ZNF541: variants seen among roughly 807,000 people sequenced by gnomAD.
The protein encoded by ZNF541 is zinc finger protein 541.
A neutral mutation model predicts 123.5 loss-of-function variants in ZNF541; 23 were observed. The observed-to-expected ratio is 0.19, with a 90% CI of 0.13 to 0.26. The LOEUF (loss-of-function observed/expected upper bound fraction) is 0.26. Ranked by LOEUF, ZNF541 falls within the 10% of genes least tolerant of loss-of-function variation. The pLI, the probability that ZNF541 is intolerant of heterozygous loss-of-function variation, is 1.00. For missense variants in ZNF541, 1,612 were observed against 1,789.9 expected, an observed-to-expected ratio of 0.90 and a Z score of 1.79; for synonymous variants, 751 against 754.5, an observed-to-expected ratio of 1.00 and a Z score of 0.08.
In ZNF541 at chr19:47,544,284, G is replaced by C; in HGVS notation, c.2245C>G (p.Pro749Ala). 6.4e-7 allele frequency: 1 copy of C among 1,551,606 alleles called. No homozygotes were observed. The highest frequency in any genetic ancestry group is 8.7e-7 in the Non-Finnish European group (1 of 1,147,006). The change falls in exon 5 of 17, where the codon CCC becomes GCC. Residue 749 changes from proline (P) to alanine (A), a missense_variant. By Grantham distance (27) the Pro-to-Ala change is conservative. Around this residue, in one of 5 missense-constraint regions of ZNF541, gnomAD observed 1,080 missense variants for 1,013.8 expected, o/e 1.07. Coordinates refer to ENST00000391901, the MANE Select transcript of ZNF541 (RefSeq NM_001277075.3). ...AAGCCGGAGAATCGCGGGGCCCTGG[G>C]GTTGCCCAAGAGCCGGTAGCCTCCA... ...RGGGYRLLGN[P>A]RAPRFSGFRK...
At chr19:47,554,379 C>T (rs146298713) in intron 3 of ZNF541, among the ~76,000 whole-genome samples, 1,816 of 152,060 alleles carry the variant, frequency 0.012, 24 homozygotes, top group Middle Eastern at 0.048. Flanking sequence ...TGCAATGAGC[C>T]GAGATTGTGC....
At chr19:47,531,132 G>A (rs890297516) in intron 12 of ZNF541, among the ~76,000 whole-genome samples, 2 of 148,558 alleles carry the variant, frequency 1.3e-5, no homozygotes, top group African/African-American at 4.9e-5. Flanking sequence ...GCAAGACCAT[G>A]GCATGACTCT....
At chr19:47,562,844 T>C (rs1281385043) in intron 2 of ZNF541, among the ~76,000 whole-genome samples, 2 of 152,190 alleles carry the variant, frequency 1.3e-5, no homozygotes, top group African/African-American at 4.8e-5. Flanking sequence ...TGTTCCCCTG[T>C]CTGGAGAGAC....
At chr19:47,555,011 T>C (rs192245640) in intron 3 of ZNF541, among the ~76,000 whole-genome samples, 1 of 143,348 alleles carries the variant, frequency 7.0e-6, no homozygotes, top group African/African-American at 2.6e-5. Context: ...GGAGAATTGC[T>C]TGAACCCGGA....
intron 3 of ZNF541, among the ~76,000 whole-genome samples, chr19:47,552,877 G>A (rs1396845434): frequency 4.6e-5 from 7 of 151,468 alleles, no homozygotes; most frequent in Admixed American, 2.0e-4. Context: ...TTGGGAGGCC[G>A]AGGAGGGTGG....
chr19:47,544,728 GCTGCTGCGGCCACGGCCC>G lies in ZNF541; in HGVS notation c.1783_1800del (p.Gly595_Gln600del), dbSNP rs570267746. On this transcript the variant is annotated inframe_deletion, in exon 5 of 17. Transcript: ENST00000391901. ...TCCACAGCAGGAGCCAGTGGTGGGG[GCTGCTGCGGCCACGGCCC>G]CTGCAGCGGCCTCAGGGCGGCTGGT... The G allele has an allele frequency of 6.4e-5, 96 of 1,502,216 alleles. 1 individual carries two copies. In the African/African-American group the frequency reaches 1.2e-3, roughly 18 times the overall value. 93.1% of individuals were successfully genotyped at this position (1,502,216 alleles called of 1,614,324 possible).
chr19:47,521,821 G>A lies in ZNF541; in HGVS notation c.3711+33C>T. 1 of 1,546,116 alleles carries A rather than the reference G, an allele frequency of 6.5e-7. No individual in the cohort carries two copies. Among genetic ancestry groups the A allele is most frequent in the Non-Finnish European group, 8.7e-7 (1 of 1,143,468 alleles). On this transcript the variant is annotated intron_variant, in intron 15 of 16. Coordinates refer to ENST00000391901, the MANE Select transcript of ZNF541 (RefSeq NM_001277075.3). The surrounding 1 kb of genome is among the most constrained non-coding windows in gnomAD (Gnocchi z 4.2). The stretch of plus-strand genomic sequence containing the variant: ...ACGGGTAGCAGGCACTGGGAGGAGA[G>A]AAGAGCTCCCGACACAGCCCTGGTT...
chr19:47,526,327 C>A (rs1019900656), intron 14 of ZNF541, among the ~76,000 whole-genome samples: 1 of 151,844 alleles, frequency 6.6e-6, no homozygotes, highest in African/African-American at 2.4e-5. Flanking sequence ...ACTAAAAATA[C>A]AAAAATTAGC....
Position 47,521,890 on chromosome 19 carries a change from C to T in ZNF541, c.3675G>A (p.Lys1225=), listed in dbSNP as rs1427459145. ...GRAPGLEKRV[K]REPEEVERTE... ...TCCTTTCCACTTCCTCCGGCTCTCTCTTGACCCTCTTTTCTAGCCCTGGGG... is the reference window on the plus strand; with the variant it reads ...TCCTTTCCACTTCCTCCGGCTCTCTTTTGACCCTCTTTTCTAGCCCTGGGG... Residue 1225 remains lysine (K), a synonymous_variant, in exon 15 of 17, where the codon AAG becomes AAA. Transcript: ENST00000391901. This position sits in a 1 kb window ranked among gnomAD's most constrained non-coding sequence, Gnocchi z 4.2. The T allele has an allele frequency of 6.4e-7, 1 of 1,551,752 alleles. No homozygotes were observed. Among genetic ancestry groups the T allele is most frequent in the African/African-American group, 1.4e-5 (1 of 73,038 alleles).
intron 4 of ZNF541, among the ~76,000 whole-genome samples, chr19:47,546,407 G>A (rs1970360762): frequency 6.6e-6 from 1 of 152,026 alleles, no homozygotes; most frequent in South Asian, 2.1e-4. Context: ...TACTGGGGAA[G>A]CTGAGGCAAG....
At chr19:47,568,025 G>A (rs1971333857) in intron 2 of ZNF541, among the ~76,000 whole-genome samples, 1 of 152,180 alleles carries the variant, frequency 6.6e-6, no homozygotes, top group Non-Finnish European at 1.5e-5. Flanking sequence ...CTCAGCTCTA[G>A]GATGGCTGGG....
intron 14 of ZNF541, among the ~76,000 whole-genome samples, chr19:47,527,994 A>G (rs1969377893): frequency 7.6e-6 from 1 of 131,774 alleles, no homozygotes; most frequent in Non-Finnish European, 1.6e-5. Context: ...CCACCACGCC[A>G]GGCCCTTTTT....
intron 14 of ZNF541, among the ~76,000 whole-genome samples, chr19:47,523,670 T>C (rs183071080): frequency 2.2e-4 from 34 of 152,256 alleles, no homozygotes; most frequent in Non-Finnish European, 4.1e-4. Context: ...CAAAGGGCAG[T>C]GAACCCTGAC....
chr19:47,523,815 G>A (rs1969160811), intron 14 of ZNF541, among the ~76,000 whole-genome samples: 1 of 152,190 alleles, frequency 6.6e-6, no homozygotes, highest in South Asian at 2.1e-4. Flanking sequence ...GACCACGGCG[G>A]TAGAGCCCAC....
At chr19:47,525,266 C>T (rs1022868757) in intron 14 of ZNF541, among the ~76,000 whole-genome samples, 2 of 150,424 alleles carry the variant, frequency 1.3e-5, no homozygotes, top group Non-Finnish European at 1.5e-5. Flanking sequence ...GCCTGGGCAA[C>T]GAGAGTGAAA....
chr19:47,564,781 C>A (rs1971198464), intron 2 of ZNF541, among the ~76,000 whole-genome samples: 1 of 152,144 alleles, frequency 6.6e-6, no homozygotes. Context: ...GTGGAACTAC[C>A]ATTTGATCCA....
intron 3 of ZNF541, 22 bp downstream of exon 3, chr19:47,555,528 T>C: frequency 6.6e-7 from 1 of 1,514,502 alleles, no homozygotes; most frequent in Middle Eastern, 1.7e-4. Context: ...GCAGGGCCCT[T>C]CTACCCAGGT....
intron 2 of ZNF541, among the ~76,000 whole-genome samples, chr19:47,560,657 T>C (rs1020417205): frequency 1.4e-4 from 21 of 151,832 alleles, no homozygotes; most frequent in Non-Finnish European, 2.4e-4. Flanking sequence ...TATTTGATGA[T>C]TGTAATATAT....
chr19:47,573,003 G>T (rs1326791122), intron 1 of ZNF541, among the ~76,000 whole-genome samples, 80 bp downstream of exon 1: 1 of 151,740 alleles, frequency 6.6e-6, no homozygotes, highest in Non-Finnish European at 1.5e-5. Flanking sequence ...AAAGGGGGAG[G>T]GGTTGAAAAA....
Sources: gnomAD v4.1 joint callset for allele counts (sites outside exome capture counted in the v4.1 genomes callset) on GRCh38, gnomAD v4.1.1 for gene constraint, gnomAD v4.1.1 regional missense constraint, Gnocchi (gnomAD v3.1) non-coding constraint, MANE v1.5 for transcripts, NCBI Gene and HGNC (gene_info 2026-07-23, HGNC 2026-07-21) for gene names.